NANOG: variants seen among roughly 807,000 people sequenced by gnomAD.
NANOG encodes the protein Nanog homeobox.
Under a neutral mutation model 17.7 loss-of-function variants are expected in NANOG, and 2 were observed. That is an observed-to-expected ratio of 0.11 (90% CI 0.05 to 0.36). NANOG has a LOEUF of 0.36. Among genes scored for constraint, NANOG ranks in the 10% least tolerant of loss-of-function variants. The probability of loss-of-function intolerance (pLI) is 1.00; values close to 1 mark genes in which losing one functional copy is unlikely to be tolerated. For synonymous variants in NANOG, 81 were observed against 124.7 expected (o/e 0.65, Z 2.33); for missense variants, 174 against 362.1 (o/e 0.48, Z 4.22).
chr12:7,794,702 C>A lies in NANOG; in HGVS notation c.525C>A (p.Pro175=). 2 of 1,606,652 alleles carry A rather than the reference C, an allele frequency of 1.2e-6. No individual in the cohort carries two copies. Residue 175 remains proline (P), a synonymous_variant, in exon 4 of 4, where the codon CCC becomes CCA. Coordinates refer to ENST00000229307, the MANE Select transcript of NANOG (RefSeq NM_024865.4). ...AGAAGGCCTCAGCACCTACCTACCC[C>A]AGCCTTTACTCTTCCTACCACCAGG... ...VTQKASAPTY[P]SLYSSYHQGC... is the part of the protein sequence containing the mutation.
rs1862952751 is a variant in NANOG, at chr12:7,797,959, A to C, written c.*2864A>C. The C allele has an allele frequency of 6.6e-6, 1 of 151,400 alleles. No homozygotes were observed. The highest frequency in any genetic ancestry group is 2.1e-4 in the South Asian group (1 of 4,812). The allele number at this position is 151,400 out of a possible 1,614,324, so 9.4% of individuals were successfully genotyped here. A position where few individuals can be genotyped will look rare whatever the true frequency, so the allele number is the denominator to read the frequency against. ...TGAGTCACCAGCCTAGCCCTGTATT[A>C]TGTTTTCTGAACTTTTTTTTTTTTA... On this transcript the variant is annotated 3_prime_UTR_variant, in exon 4 of 4. Transcript: ENST00000229307.
At position 7,792,972 on chromosome 12, in the gene NANOG, G is replaced by A; in HGVS notation, c.174G>A (p.Met58Ile). The A allele has an allele frequency of 6.2e-7, 1 of 1,606,816 alleles. No individual in the cohort carries two copies. The change falls in exon 2 of 4, where the codon ATG becomes ATA. Residue 58 changes from methionine (M) to isoleucine (I), a missense_variant. Met to Ile is a conservative substitution (Grantham distance 10, BLOSUM62 1). This residue lies in a region of NANOG where 158 missense variants were observed against 244.2 expected (regional missense o/e 0.65). Coordinates refer to ENST00000229307, the MANE Select transcript of NANOG (RefSeq NM_024865.4). ...TETVSPLPSS[M>I]DLLIQDSPDS... ...CAGTCTCTCCTCTTCCTTCCTCCATGGATCTGCTTATTCAGGACAGCCCTG... is the reference window on the plus strand; with the variant it reads ...CAGTCTCTCCTCTTCCTTCCTCCATAGATCTGCTTATTCAGGACAGCCCTG...
chr12:7,796,046 T>C lies in NANOG; in HGVS notation c.*951T>C. On this transcript the variant is annotated 3_prime_UTR_variant, in exon 4 of 4. Coordinates refer to ENST00000229307, the MANE Select transcript of NANOG (RefSeq NM_024865.4). ...CACCGAGTGTTTCAATGAGTAAATATACAGCTTAAACATAAATCTTTGTTA... is the reference window on the plus strand; with the variant it reads ...CACCGAGTGTTTCAATGAGTAAATACACAGCTTAAACATAAATCTTTGTTA... The C allele has an allele frequency of 6.6e-6, 1 of 152,170 alleles. No individual in the cohort carries two copies. Among genetic ancestry groups the C allele is most frequent in the Non-Finnish European group, 1.5e-5 (1 of 68,030 alleles). 9.4% of individuals were successfully genotyped at this position (152,170 alleles called of 1,614,324 possible). A position where few individuals can be genotyped will look rare whatever the true frequency, so the allele number is the denominator to read the frequency against.
At position 7,793,022 on chromosome 12, in the gene NANOG, A is replaced by C; in HGVS notation, c.224A>C (p.Lys75Thr). 2 of 1,609,188 alleles carry C rather than the reference A, an allele frequency of 1.2e-6. No individual in the cohort carries two copies. The highest frequency in any genetic ancestry group is 2.2e-5 in the South Asian group (2 of 90,748). ...SPDSSTSPKG[K>T]QPTSAEKSVA... is the part of the protein sequence containing the mutation. ...GATTCTTCCACCAGTCCCAAAGGCA[A>C]ACAACCCACTTCTGCAGAGAAGAGT... The change falls in exon 2 of 4, where the codon AAA (lysine) becomes ACA (threonine). Residue 75 changes from lysine to threonine, a missense_variant. This residue lies in a region of NANOG where 158 missense variants were observed against 244.2 expected (regional missense o/e 0.65). Coordinates refer to ENST00000229307, the MANE Select transcript of NANOG (RefSeq NM_024865.4).
intron 1 of NANOG, among the ~76,000 whole-genome samples, chr12:7,790,240 C>A (rs12366827): frequency 6.6e-6 from 1 of 151,928 alleles, no homozygotes; most frequent in Admixed American, 6.6e-5. Context: ...TTCTGTAATA[C>A]ATAATTTGGG....
chr12:7,794,257 A>G (rs750183015), intron 2 of NANOG, among the ~76,000 whole-genome samples, 200 bp from the exon 3 acceptor site: 14 of 152,036 alleles, frequency 9.2e-5, no homozygotes, highest in East Asian at 1.9e-4. Flanking sequence ...GTATTTTTGT[A>G]GACACGGTGT....
At chr12:7,792,666 ATTT>A (rs1177273216) in intron 1 of NANOG, among the ~76,000 whole-genome samples, 2 of 151,792 alleles carry the variant, frequency 1.3e-5, no homozygotes, top group Non-Finnish European at 2.9e-5. Flanking sequence ...CTCCATCCTA[ATTT>A]TAAAAAAAAG....
At chr12:7,794,371 C>A in intron 2 of NANOG, 86 bp from the exon 3 acceptor site, 2 of 1,266,138 alleles carry the variant, frequency 1.6e-6, no homozygotes, top group Non-Finnish European at 2.2e-6. Flanking sequence ...TGGCACCTGG[C>A]CAGGAATAAA....
chr12:7,795,257 GGA>G lies in NANOG; in HGVS notation c.*164_*165del, dbSNP rs1862905494. ...ATCTCATGGAGGGTGGAGTATGGTTGGAGCCTAATCAGCGAGGTTTCTTTTTT... is the reference window on the plus strand; with the variant it reads ...ATCTCATGGAGGGTGGAGTATGGTTGGCCTAATCAGCGAGGTTTCTTTTTT... On this transcript the variant is annotated 3_prime_UTR_variant, in exon 4 of 4. Transcript: ENST00000229307. 1.7e-6 allele frequency: 1 copy of G among 602,802 alleles called. No individual in the cohort carries two copies. The highest frequency in any genetic ancestry group is 2.0e-5 in the South Asian group (1 of 50,278). 37.3% of individuals were successfully genotyped at this position (602,802 alleles called of 1,614,324 possible).
intron 1 of NANOG, among the ~76,000 whole-genome samples, chr12:7,790,883 G>A (rs1862831071): frequency 6.6e-6 from 1 of 151,978 alleles, no homozygotes; most frequent in Non-Finnish European, 1.5e-5. Flanking sequence ...ACTAGGACAA[G>A]AGGCGTGTGT....
chr12:7,796,650 G>C lies in NANOG; in HGVS notation c.*1555G>C, dbSNP rs1348447450. ...TGAGAGCACGTCCCTTCACTCTGAA[G>C]CAGCATGATGCAGGTTATCAGAGTG... is the stretch of plus-strand genomic sequence containing the variant. On this transcript the variant is annotated 3_prime_UTR_variant, in exon 4 of 4. Transcript: ENST00000229307. The C allele has an allele frequency of 6.6e-6, 1 of 152,176 alleles. No individual in the cohort carries two copies. The highest frequency in any genetic ancestry group is 2.4e-5 in the African/African-American group (1 of 41,428). The allele number at this position is 152,176 out of a possible 1,614,324, so 9.4% of individuals were successfully genotyped here.
At position 7,795,447 on chromosome 12, in the gene NANOG, G is replaced by C; in HGVS notation, c.*352G>C. ...CGCCATTCTCCTGCCTCAGCCTCCC[G>C]AGCAGCTGGGACTACAGGCGCCCGC... is the stretch of plus-strand genomic sequence containing the variant. On this transcript the variant is annotated 3_prime_UTR_variant, in exon 4 of 4. Coordinates refer to ENST00000229307, the MANE Select transcript of NANOG (RefSeq NM_024865.4). The C allele has an allele frequency of 3.3e-6, 1 of 301,270 alleles. No individual in the cohort carries two copies. Among genetic ancestry groups the C allele is most frequent in the South Asian group, 3.1e-5 (1 of 32,026 alleles). 18.7% of individuals were successfully genotyped at this position (301,270 alleles called of 1,614,324 possible). A position where few individuals can be genotyped will look rare whatever the true frequency, so the allele number is the denominator to read the frequency against.
At position 7,795,181 on chromosome 12, in the gene NANOG, TTTC is replaced by T. The variant is rs1862903893; in HGVS notation, c.*89_*91del. 6.4e-7 allele frequency: 1 copy of T among 1,562,148 alleles called. No individual in the cohort carries two copies. The highest frequency in any genetic ancestry group is 8.7e-7 in the Non-Finnish European group (1 of 1,149,140). ...CCCTCCTCCCATCCCTCATAGGATT[TTTC>T]TTGTTTGGAAACCACGTGTTCTGGT... On this transcript the variant is annotated 3_prime_UTR_variant, in exon 4 of 4. Coordinates refer to ENST00000229307, the MANE Select transcript of NANOG (RefSeq NM_024865.4).
chr12:7,789,965 A>T (rs1862814611), intron 1 of NANOG, among the ~76,000 whole-genome samples, 200 bp downstream of exon 1: 1 of 152,172 alleles, frequency 6.6e-6, no homozygotes, highest in African/African-American at 2.4e-5. Context: ...CCCAGGTCTC[A>T]GGAGTGTGCA....
rs1418743827 is a variant in NANOG, at chr12:7,794,348, C to T, written c.415-109C>T. On this transcript the variant is annotated intron_variant, in intron 2 of 3. Transcript: ENST00000229307. ...TTGGCCTTCCAAAGTGTTGGGATTA[C>T]AGGCATGAGATATGGCACCTGGCCA... is the stretch of plus-strand genomic sequence containing the variant. The T allele has an allele frequency of 6.3e-5, 65 of 1,032,804 alleles. 1 individual carries two copies. The highest frequency in any genetic ancestry group is 3.2e-5 in the Non-Finnish European group (22 of 696,812). The allele number at this position is 1,032,804 out of a possible 1,614,324, so 64.0% of individuals were successfully genotyped here.
At position 7,789,586 on chromosome 12, in the gene NANOG, A is replaced by T. The variant is rs753107248; in HGVS notation, c.-29A>T. ...ACCTTTTTTCCAGTCCACCTCTTAA[A>T]TTTTTTCCTCCTCTTCCTCTATACT... is the stretch of plus-strand genomic sequence containing the variant. On this transcript the variant is annotated 5_prime_UTR_variant, in exon 1 of 4. Coordinates refer to ENST00000229307, the MANE Select transcript of NANOG (RefSeq NM_024865.4). 6 of 1,608,282 alleles carry T rather than the reference A, an allele frequency of 3.7e-6. No individual in the cohort carries two copies. The highest frequency in any genetic ancestry group is 2.2e-5 in the East Asian group (1 of 44,844).
In NANOG at chr12:7,793,263, G is replaced by T. The variant is rs2120569000; in HGVS notation, c.414+51G>T. On this transcript the variant is annotated intron_variant, in intron 2 of 3. Coordinates refer to ENST00000229307, the MANE Select transcript of NANOG (RefSeq NM_024865.4). ...AGGTGAACAAAAATTGGACTAATTT[G>T]CATGGCTAAGACCTCTGTGGATGCA... 7 of 1,580,854 alleles carry T rather than the reference G, an allele frequency of 4.4e-6. No homozygotes were observed. The South Asian group carries it at 5.6e-5, about 13-fold the overall frequency.
Position 7,793,289 on chromosome 12 carries a change from T to C in NANOG, c.414+77T>C, listed in dbSNP as rs779849320. ...CATGGCTAAGACCTCTGTGGATGCA[T>C]GTAGATGTGTGTACTATGTGTCCGT... is the stretch of plus-strand genomic sequence containing the variant. On this transcript the variant is annotated intron_variant, in intron 2 of 3. Transcript: ENST00000229307. 932 of 1,364,610 alleles carry C rather than the reference T, an allele frequency of 6.8e-4. 12 individuals carry two copies. The Middle Eastern group carries it at 0.029, about 43-fold the overall frequency. 84.5% of individuals were successfully genotyped at this position (1,364,610 alleles called of 1,614,324 possible). A position where few individuals can be genotyped will look rare whatever the true frequency, so the allele number is the denominator to read the frequency against.
rs1798867158 is a variant in NANOG at position 7,797,555 on chromosome 12, C to A, written c.*2460C>A. On this transcript the variant is annotated 3_prime_UTR_variant, in exon 4 of 4. Coordinates refer to ENST00000229307, the MANE Select transcript of NANOG (RefSeq NM_024865.4). ...TGTATTTAGTAGAGATGGGGTTTCA[C>A]CGTATTGACCAGGCTGGTCTCGAAC... 1 of 152,042 alleles carries A rather than the reference C, an allele frequency of 6.6e-6. No homozygotes were observed. The highest frequency in any genetic ancestry group is 1.5e-5 in the Non-Finnish European group (1 of 68,052). The allele number at this position is 152,042 out of a possible 1,614,324, so 9.4% of individuals were successfully genotyped here.
Sources: gnomAD v4.1 joint callset for allele counts (sites outside exome capture counted in the v4.1 genomes callset) on GRCh38, gnomAD v4.1.1 for gene constraint, gnomAD v4.1.1 regional missense constraint, MANE v1.5 for transcripts, NCBI Gene and HGNC (gene_info 2026-07-23, HGNC 2026-07-21) for gene names.